The following OR2L13 variants were observed in gnomAD, a reference collection of about 807,000 sequenced individuals.
OR2L13 encodes olfactory receptor family 2 subfamily L member 13.
OR2L13 carries 14 observed loss-of-function variants against 15.3 expected under a neutral mutation model. That is an observed-to-expected ratio of 0.91 (90% CI 0.60 to 1.43). The LOEUF (loss-of-function observed/expected upper bound fraction) is 1.43, where lower values mean the gene tolerates loss of function less well. OR2L13 is among the 40% of genes most tolerant of loss of function. The pLI, the probability that OR2L13 is intolerant of heterozygous loss-of-function variation, is 0.00. For synonymous variants in OR2L13, 152 were observed against 142.9 expected (o/e 1.06, Z -0.45); for missense variants, 367 against 387.9 (o/e 0.95, Z 0.45).
the OR2L13 span, among the ~76,000 whole-genome samples, chr1:248,067,302 G>T: frequency 1.3e-5 from 2 of 152,180 alleles, no homozygotes; most frequent in South Asian, 2.1e-4. Context: ...AAACTGATTT[G>T]TTAGAAACAT....
chr1:247,959,250 T>C, the OR2L13 span, among the ~76,000 whole-genome samples: 3 of 152,092 alleles, frequency 2.0e-5, no homozygotes, highest in African/African-American at 7.2e-5. Flanking sequence ...TTCTTTTCTT[T>C]AAGAATGTTG....
At chr1:247,952,118 T>C in the OR2L13 span, among the ~76,000 whole-genome samples, 1 of 152,226 alleles carries the variant, frequency 6.6e-6, no homozygotes, top group African/African-American at 2.4e-5. Flanking sequence ...CTAGCTCCTC[T>C]ATCACATTCA....
At chr1:247,937,830 G>A in the OR2L13 span, among the ~76,000 whole-genome samples, 6 of 152,112 alleles carry the variant, frequency 3.9e-5, no homozygotes, top group Admixed American at 6.5e-5. Flanking sequence ...CCAACTAAAT[G>A]TTTTATACTA....
At chr1:247,991,191 T>C in the OR2L13 span, 79,557 of 1,552,340 alleles carry the variant, frequency 0.051, 3,144 homozygotes, top group East Asian at 0.18. Flanking sequence ...AGAAAATCTT[T>C]TCAGTGAAAA....
At chr1:248,035,205 CTT>C in the OR2L13 span, among the ~76,000 whole-genome samples, 1 of 152,166 alleles carries the variant, frequency 6.6e-6, no homozygotes, top group Middle Eastern at 3.4e-3. Context: ...AATCCCAGTA[CTT>C]TGGGAGGCCG....
chr1:248,061,636 A>G, the OR2L13 span: 3 of 1,600,950 alleles, frequency 1.9e-6, no homozygotes, highest in Non-Finnish European at 2.6e-6. Flanking sequence ...TTTTCTACCT[A>G]AGGTCTCAGG....
chr1:248,071,465 T>A, the OR2L13 span, among the ~76,000 whole-genome samples: 1 of 152,226 alleles, frequency 6.6e-6, no homozygotes, highest in East Asian at 1.9e-4. Context: ...TAGGTATTGA[T>A]GGGACATATC....
chr1:248,022,468 A>G, the OR2L13 span: 12 of 1,614,074 alleles, frequency 7.4e-6, no homozygotes, highest in African/African-American at 1.3e-5. Context: ...AGAGCCATCA[A>G]TCATTTTTTC....
At chr1:247,992,782 G>A in the OR2L13 span, among the ~76,000 whole-genome samples, 3 of 151,608 alleles carry the variant, frequency 2.0e-5, no homozygotes, top group South Asian at 6.2e-4. Context: ...CACTATTGAT[G>A]GGCACCTAGG....
chr1:248,009,118 A>G, the OR2L13 span, among the ~76,000 whole-genome samples: 2 of 152,156 alleles, frequency 1.3e-5, no homozygotes, highest in African/African-American at 4.8e-5. Flanking sequence ...TAACATCACA[A>G]TTAAAAGAAA....
the OR2L13 span, among the ~76,000 whole-genome samples, chr1:247,942,454 C>T: frequency 6.6e-6 from 1 of 152,110 alleles, no homozygotes; most frequent in South Asian, 2.1e-4. Flanking sequence ...ACTCAGTGTA[C>T]TACATGTTCT....
At chr1:247,949,320 G>C in the OR2L13 span, 9 of 1,614,166 alleles carry the variant, frequency 5.6e-6, no homozygotes, top group South Asian at 7.7e-5. Flanking sequence ...CTCGATCAAT[G>C]CTTGTGCTCA....
chr1:247,966,166 T>A, the OR2L13 span: 1 of 1,614,144 alleles, frequency 6.2e-7, no homozygotes, highest in Non-Finnish European at 8.5e-7. Context: ...AAGGCCACAC[T>A]CCTTGCGTTC....
At chr1:247,991,047 C>G in the OR2L13 span, 1 of 1,562,818 alleles carries the variant, frequency 6.4e-7, no homozygotes, top group Non-Finnish European at 8.8e-7. Flanking sequence ...CCTATCTACG[C>G]CCAAGATCCC....
At chr1:247,937,382 G>C in the OR2L13 span, 1 of 155,556 alleles carries the variant, frequency 6.4e-6, no homozygotes, top group Admixed American at 6.5e-5. Context: ...CTTCCAGACC[G>C]AGGTATCAGA....
At chr1:247,973,750 A>G in the OR2L13 span, among the ~76,000 whole-genome samples, 2 of 152,218 alleles carry the variant, frequency 1.3e-5, no homozygotes, top group Non-Finnish European at 2.9e-5. Context: ...GCCAGTTAGA[A>G]TGGTGATCAT....
chr1:248,085,664 T>C, the OR2L13 span, among the ~76,000 whole-genome samples: 1 of 152,126 alleles, frequency 6.6e-6, no homozygotes, highest in Non-Finnish European at 1.5e-5. Context: ...ATTTCTGTCA[T>C]TTTACATTAT....
chr1:247,957,873 T>C, the OR2L13 span, among the ~76,000 whole-genome samples: 1 of 152,190 alleles, frequency 6.6e-6, no homozygotes, highest in African/African-American at 2.4e-5. Flanking sequence ...GTCAATTTTG[T>C]TGATCTTTTC....
chr1:248,067,484 T>C, the OR2L13 span, among the ~76,000 whole-genome samples: 4 of 152,244 alleles, frequency 2.6e-5, no homozygotes, highest in Non-Finnish European at 5.9e-5. Context: ...ATTAATTTTC[T>C]TTAATAGCTA....
Sources: allele counts gnomAD v4.1 joint callset (sites outside exome capture counted in the v4.1 genomes callset), GRCh38; gene constraint gnomAD v4.1.1; transcripts MANE v1.5; gene names NCBI Gene and HGNC (gene_info 2026-07-23, HGNC 2026-07-21).